The following NFIX variants were observed in gnomAD, a reference collection of about 807,000 sequenced individuals.
NFIX encodes nuclear factor 1 X-type.
A neutral mutation model predicts 53.3 loss-of-function variants in NFIX; 2 were observed. The ratio of observed to expected loss-of-function variants is 0.04; its 90% CI spans 0.02 to 0.12. The LOEUF (loss-of-function observed/expected upper bound fraction) is 0.12, where lower values mean the gene tolerates loss of function less well. Among genes scored for constraint, NFIX ranks in the 10% least tolerant of loss-of-function variants. NFIX has a pLI of 1.00. For synonymous variants in NFIX, 244 were observed against 289.0 expected, an observed-to-expected ratio of 0.84 and a Z score of 1.58; for missense variants, 310 against 674.5, an observed-to-expected ratio of 0.46 and a Z score of 5.99.
At chr19:12,999,684 C>T (rs1017953716) in intron 1 of NFIX, among the ~76,000 whole-genome samples, 1 of 152,196 alleles carries the variant, frequency 6.6e-6, no homozygotes, top group Non-Finnish European at 1.5e-5. Context: ...AGCAGCCGAA[C>T]GTTCCTGTAC....
chr19:13,019,964 C>A (rs1421574258), intron 1 of NFIX, among the ~76,000 whole-genome samples: 4 of 151,508 alleles, frequency 2.6e-5, no homozygotes, highest in Non-Finnish European at 5.9e-5. Context: ...TTCCTATTAC[C>A]AGCATCAGTG....
chr19:13,011,554 G>A lies in NFIX; in HGVS notation c.28-13467G>A, dbSNP rs572505575. The stretch of plus-strand genomic sequence containing the variant: ...GGGAGCAGAGGCAGGGGGGTGTGCC[G>A]GGACTCCCCAGACGCTCCACTGCCC... On this transcript the variant is annotated intron_variant, in intron 1 of 10. Transcript: ENST00000592199. This position sits in a 1 kb window ranked among gnomAD's most constrained non-coding sequence, Gnocchi z 6.5. Among the ~76,000 whole-genome samples the A allele has an allele frequency of 3.1e-4, 47 of 152,170 alleles. No homozygotes were observed. The highest frequency in any genetic ancestry group is 1.0e-3 in the African/African-American group (42 of 41,520).
At chr19:13,074,192 C>T (rs1220635989) in intron 5 of NFIX, among the ~76,000 whole-genome samples, 166 bp downstream of exon 5, 2 of 152,230 alleles carry the variant, frequency 1.3e-5, no homozygotes, top group African/African-American at 4.8e-5. Context: ...CATGCGCAGT[C>T]ACCCACTGAG....
At position 13,063,908 on chromosome 19, in the gene NFIX, G is replaced by A. The variant is rs1216045948; in HGVS notation, c.560-9139G>A. ...AGGAGGGTGATGCCCAGCCCTGGGAGGTTGGGACACTATTAATAGCCCTAA... is the reference window on the plus strand; with the variant it reads ...AGGAGGGTGATGCCCAGCCCTGGGAAGTTGGGACACTATTAATAGCCCTAA... On this transcript the variant is annotated intron_variant, in intron 2 of 10. Coordinates refer to ENST00000592199, the MANE Select transcript of NFIX (RefSeq NM_001365902.3). Among the ~76,000 whole-genome samples the A allele has an allele frequency of 3.3e-5, 5 of 152,216 alleles. No homozygotes were observed. In the East Asian group the frequency reaches 7.7e-4, roughly 23 times the overall value.
chr19:13,055,026 C>T (rs968556532), intron 2 of NFIX, among the ~76,000 whole-genome samples: 15 of 152,092 alleles, frequency 9.9e-5, no homozygotes, highest in Admixed American at 5.2e-4. Context: ...TTTCTGGCCT[C>T]GTGATGGGTG....
At position 13,074,039 on chromosome 19, in the gene NFIX, G is replaced by T. The variant is rs1351955968; in HGVS notation, c.818+13G>T. The T allele has an allele frequency of 1.9e-6, 3 of 1,613,646 alleles. No individual in the cohort carries two copies. Among genetic ancestry groups the T allele is most frequent in the Non-Finnish European group, 1.7e-6 (2 of 1,179,636 alleles). On this transcript the variant is annotated intron_variant, in intron 5 of 10. Transcript: ENST00000592199. ...CTCCTTCCACCAGGTAAGCCCAGTGGCCCTGCCTTTCCATCTTCTCTCCAC... is the reference window on the plus strand; with the variant it reads ...CTCCTTCCACCAGGTAAGCCCAGTGTCCCTGCCTTTCCATCTTCTCTCCAC...
Position 13,006,297 on chromosome 19 carries a change from C to G in NFIX, c.27+10433C>G, listed in dbSNP as rs1197466698. ...AGTGCAGCCCACCAGGCCCCTTTCT[C>G]TCTCCAGGGGGCAGACTGGAGGTCA... On this transcript the variant is annotated intron_variant, in intron 1 of 10. Coordinates refer to ENST00000592199, the MANE Select transcript of NFIX (RefSeq NM_001365902.3). The surrounding 1 kb of genome is among the most constrained non-coding windows in gnomAD (Gnocchi z 5.6). Among the ~76,000 whole-genome samples, 4 of 152,174 alleles carry G rather than the reference C, an allele frequency of 2.6e-5. No individual in the cohort carries two copies. Among genetic ancestry groups the G allele is most frequent in the African/African-American group, 9.7e-5 (4 of 41,438 alleles).
At chr19:13,039,615 G>A (rs1279483651) in intron 2 of NFIX, among the ~76,000 whole-genome samples, 1 of 152,166 alleles carries the variant, frequency 6.6e-6, no homozygotes, top group Admixed American at 6.5e-5. Context: ...AGGGACCTTG[G>A]AGAGTCTGCT....
In NFIX at chr19:13,006,988, G is replaced by A. The variant is rs954030729; in HGVS notation, c.27+11124G>A. 1.3e-5 allele frequency among the ~76,000 whole-genome samples: 2 copies of A among 152,176 alleles called. No individual in the cohort carries two copies. The highest frequency in any genetic ancestry group is 2.4e-5 in the African/African-American group (1 of 41,454). ...GCGCCTCCAGGCCCCTGCTTGTCCC[G>A]TGCCACCTGGGGATCATCCCCCATG... is the stretch of plus-strand genomic sequence containing the variant. On this transcript the variant is annotated intron_variant, in intron 1 of 10. Coordinates refer to ENST00000592199, the MANE Select transcript of NFIX (RefSeq NM_001365902.3). The surrounding 1 kb of genome is among the most constrained non-coding windows in gnomAD (Gnocchi z 5.6).
chr19:13,038,871 G>A (rs1276272290), intron 2 of NFIX, among the ~76,000 whole-genome samples: 1 of 152,172 alleles, frequency 6.6e-6, no homozygotes, highest in Non-Finnish European at 1.5e-5. Flanking sequence ...TGGGCTACCC[G>A]TTGTGTGTGT....
chr19:13,050,002 A>G (rs533097684), intron 2 of NFIX, among the ~76,000 whole-genome samples: 1 of 152,330 alleles, frequency 6.6e-6, no homozygotes, highest in African/African-American at 2.4e-5. Context: ...GGTGTGAGTA[A>G]TGTTGCAGTA....
intron 10 of NFIX, among the ~76,000 whole-genome samples, chr19:13,092,049 G>A (rs1482414739): frequency 2.6e-5 from 4 of 152,156 alleles, no homozygotes; most frequent in Non-Finnish European, 5.9e-5. Flanking sequence ...GGGAGTGGTT[G>A]GGGGAGCGGA....
In NFIX at chr19:13,051,417, C is replaced by A. The variant is rs1209317801; in HGVS notation, c.560-21630C>A. On this transcript the variant is annotated intron_variant, in intron 2 of 10. Transcript: ENST00000592199. This position sits in a 1 kb window ranked among gnomAD's most constrained non-coding sequence, Gnocchi z 5.1. Reference sequence around the variant, plus strand: ...GAAGAGGAGGGGAATGCTGTCTGACCTGACAGCATTGCACAAGTCAGCCGT... The same window carrying A: ...GAAGAGGAGGGGAATGCTGTCTGACATGACAGCATTGCACAAGTCAGCCGT... Among the ~76,000 whole-genome samples, 3 of 152,158 alleles carry A rather than the reference C, an allele frequency of 2.0e-5. No individual in the cohort carries two copies. The highest frequency in any genetic ancestry group is 2.9e-5 in the Non-Finnish European group (2 of 68,000).
chr19:13,032,084 A>C (rs1053831257), intron 2 of NFIX, among the ~76,000 whole-genome samples: 6 of 152,140 alleles, frequency 3.9e-5, no homozygotes. Context: ...CGGTGCTCGC[A>C]CAAAAGGCCT....
intron 2 of NFIX, among the ~76,000 whole-genome samples, chr19:13,069,550 G>C (rs1447230754): frequency 6.6e-6 from 1 of 152,208 alleles, no homozygotes; most frequent in Non-Finnish European, 1.5e-5. Flanking sequence ...ACGCCTGCCT[G>C]GCAGGGACTG....
chr19:13,070,461 AAGG>A (rs1408091660), intron 2 of NFIX: 1 of 152,446 alleles, frequency 6.6e-6, no homozygotes, highest in Admixed American at 6.5e-5. Flanking sequence ...CAGCGGGGAG[AAGG>A]AGAACACCAC....
chr19:13,058,358 G>C (rs1199276071), intron 2 of NFIX, among the ~76,000 whole-genome samples: 1 of 152,114 alleles, frequency 6.6e-6, no homozygotes, highest in East Asian at 1.9e-4. Flanking sequence ...TAAAAGCTCA[G>C]GATGTGCGCT....
chr19:13,007,011 A>G (rs2012054337), intron 1 of NFIX, among the ~76,000 whole-genome samples: 2 of 152,008 alleles, frequency 1.3e-5, no homozygotes, highest in South Asian at 4.1e-4. Context: ...ATCATCCCCC[A>G]TGCCTGTTCC....
Position 13,012,439 on chromosome 19 carries a change from A to G in NFIX, c.28-12582A>G, listed in dbSNP as rs1435470479. Among the ~76,000 whole-genome samples, 7 of 152,012 alleles carry G rather than the reference A, an allele frequency of 4.6e-5. No individual in the cohort carries two copies. In the East Asian group the frequency reaches 9.7e-4, roughly 21 times the overall value. ...TGCCGGGGCGCGGCCTGCCCCTCAC[A>G]GTGACCCCCCCGACCCACCCCCCAA... On this transcript the variant is annotated intron_variant, in intron 1 of 10. Coordinates refer to ENST00000592199, the MANE Select transcript of NFIX (RefSeq NM_001365902.3). The surrounding 1 kb of genome is among the most constrained non-coding windows in gnomAD (Gnocchi z 5.0).
Sources: gnomAD v4.1 joint callset for allele counts (sites outside exome capture counted in the v4.1 genomes callset) on GRCh38, gnomAD v4.1.1 for gene constraint, Gnocchi (gnomAD v3.1) non-coding constraint, MANE v1.5 for transcripts, NCBI Gene and HGNC (gene_info 2026-07-23, HGNC 2026-07-21) for gene names.